GBP3: variants seen among roughly 807,000 people sequenced by gnomAD.
The protein encoded by GBP3 is guanylate binding protein 3, also known as guanylate-binding protein 3.
In GBP3, 55 loss-of-function variants were observed where a neutral mutation model predicts 62.4. The ratio of observed to expected loss-of-function variants is 0.88; its 90% CI spans 0.71 to 1.10. The LOEUF (loss-of-function observed/expected upper bound fraction) is 1.10. GBP3 is among the 50% of genes least tolerant of loss of function. The pLI is 0.00. For synonymous variants in GBP3, 208 were observed against 259.2 expected, an observed-to-expected ratio of 0.80 and a Z score of 1.90; for missense variants, 605 against 690.6, an observed-to-expected ratio of 0.88 and a Z score of 1.39.
At chr1:89,017,941 T>G (rs1490037410) in intron 2 of GBP3, among the ~76,000 whole-genome samples, 1 of 151,972 alleles carries the variant, frequency 6.6e-6, no homozygotes, top group East Asian at 1.9e-4. Flanking sequence ...GAGCCATGCA[T>G]GGTGGCAGGT....
intron 10 of GBP3, chr1:89,008,704 T>C: frequency 4.8e-6 from 3 of 629,156 alleles, no homozygotes; most frequent in Non-Finnish European, 8.0e-6. Context: ...GCCTAGCATA[T>C]GACAGCCGTA....
In GBP3 at chr1:89,007,554, C is replaced by A; in HGVS notation, c.*170G>T. 1 of 668,798 alleles carries A rather than the reference C, an allele frequency of 1.5e-6. No individual in the cohort carries two copies. The highest frequency in any genetic ancestry group is 2.5e-6 in the Non-Finnish European group (1 of 396,302). The allele number at this position is 668,798 out of a possible 1,614,324, so 41.4% of individuals were successfully genotyped here. The stretch of plus-strand genomic sequence containing the variant: ...AAATGCATCTTTGTTGCACAATTTA[C>A]AATCTTTTTAAGGAAAAAACATGAT... On this transcript the variant is annotated 3_prime_UTR_variant, in exon 11 of 11. Coordinates refer to ENST00000370481, the MANE Select transcript of GBP3 (RefSeq NM_018284.3).
intron 3 of GBP3, 123 bp downstream of exon 3, chr1:89,015,164 G>A: frequency 9.9e-7 from 1 of 1,009,286 alleles, no homozygotes. Context: ...CTTATGACAT[G>A]TACACAGAAA....
chr1:89,010,159 A>G (rs2390677), intron 8 of GBP3, among the ~76,000 whole-genome samples: 38,815 of 144,608 alleles, frequency 0.27, 5,199 homozygotes, highest in Non-Finnish European at 0.3. Context: ...GTCTTGCTCT[A>G]TTGCCAGGCT....
At chr1:89,015,161 CA>C (rs1678816607) in intron 3 of GBP3, 125 bp downstream of exon 3, 4 of 964,530 alleles carry the variant, frequency 4.1e-6, no homozygotes, top group Non-Finnish European at 6.1e-6. Context: ...GGCCTTATGA[CA>C]TGTACACAGA....
intron 6 of GBP3, among the ~76,000 whole-genome samples, chr1:89,012,327 C>T (rs1678618852): frequency 7.2e-6 from 1 of 139,036 alleles, no homozygotes; most frequent in African/African-American, 2.5e-5. Context: ...CCCCAAGCAC[C>T]ATCAGGAAAG....
rs189519830 is a variant in GBP3 at position 89,010,707 on chromosome 1, G to A, written c.1362+197C>T. 1.0e-3 allele frequency among the ~76,000 whole-genome samples: 139 copies of A among 138,986 alleles called. 35 individuals are homozygous for A. The highest frequency in any genetic ancestry group is 1.4e-3 in the Non-Finnish European group (84 of 60,226). 91.2% of individuals were successfully genotyped at this position (138,986 alleles called of 152,430 possible). On this transcript the variant is annotated intron_variant, in intron 8 of 10. Transcript: ENST00000370481. Reference sequence around the variant, plus strand: ...ATTACAGGCTTGAGCCACCGCACCCGCCGACTGCACTCTCTTTGATGAGCA... The same window carrying A: ...ATTACAGGCTTGAGCCACCGCACCCACCGACTGCACTCTCTTTGATGAGCA...
chr1:89,021,247 T>C (rs1005472083), intron 1 of GBP3, among the ~76,000 whole-genome samples: 1 of 152,152 alleles, frequency 6.6e-6, no homozygotes, highest in Non-Finnish European at 1.5e-5. Flanking sequence ...TTCACTGTAA[T>C]GAGGATCCAC....
chr1:89,016,663 C>A (rs1403258696), intron 2 of GBP3, among the ~76,000 whole-genome samples: 1 of 152,104 alleles, frequency 6.6e-6, no homozygotes, highest in Non-Finnish European at 1.5e-5. Flanking sequence ...TAGTCTTGAC[C>A]TCCCAGGCTC....
chr1:89,021,736 T>C (rs567385614), intron 1 of GBP3, among the ~76,000 whole-genome samples: 3 of 136,712 alleles, frequency 2.2e-5, no homozygotes, highest in South Asian at 2.3e-4. Context: ...GAAAGAGAAA[T>C]GGGAAGAGGA....
At chr1:89,016,360 A>G (rs571307156) in intron 2 of GBP3, among the ~76,000 whole-genome samples, 1 of 152,048 alleles carries the variant, frequency 6.6e-6, no homozygotes, top group African/African-American at 2.4e-5. Flanking sequence ...ACACACACAC[A>G]CACACAAAAT....
At chr1:89,020,295 T>C (rs1232614951) in intron 2 of GBP3, 2 of 572,904 alleles carry the variant, frequency 3.5e-6, no homozygotes, top group Admixed American at 5.7e-5. Flanking sequence ...GGAGAAAGAG[T>C]AGAACAAGGA....
intron 5 of GBP3, 188 bp from the exon 6 acceptor site, chr1:89,013,615 C>T (rs1678712546): frequency 6.5e-6 from 4 of 619,392 alleles, no homozygotes; most frequent in Non-Finnish European, 1.1e-5. Flanking sequence ...AAAAACCTCA[C>T]TTAGAAAGAC....
Position 89,011,210 on chromosome 1 carries a change from C to G in GBP3, c.1150-94G>C. 2.2e-6 allele frequency: 3 copies of G among 1,384,398 alleles called. 1 individual carries two copies. The highest frequency in any genetic ancestry group is 3.0e-6 in the Non-Finnish European group (3 of 996,018). The allele number at this position is 1,384,398 out of a possible 1,614,324, so 85.8% of individuals were successfully genotyped here. A position where few individuals can be genotyped will look rare whatever the true frequency, so the allele number is the denominator to read the frequency against. ...GGAAAGACTTCCGAAAATAAACAGTCAATGATGCCGGAGAAACTGACAGAC... is the reference window on the plus strand; with the variant it reads ...GGAAAGACTTCCGAAAATAAACAGTGAATGATGCCGGAGAAACTGACAGAC... On this transcript the variant is annotated intron_variant, in intron 7 of 10. Coordinates refer to ENST00000370481, the MANE Select transcript of GBP3 (RefSeq NM_018284.3).
intron 3 of GBP3, 74 bp downstream of exon 3, chr1:89,015,213 A>G (rs45456793): frequency 0.023 from 33,185 of 1,419,778 alleles, 482 homozygotes; most frequent in Middle Eastern, 0.065. Flanking sequence ...ACTCTTCTTT[A>G]AGAAAAAACT....
At chr1:89,016,413 G>C (rs1458710245) in intron 2 of GBP3, among the ~76,000 whole-genome samples, 1 of 151,958 alleles carries the variant, frequency 6.6e-6, no homozygotes, top group African/African-American at 2.4e-5. Flanking sequence ...CAGCTACTCG[G>C]GTGGCTGAGG....
At position 89,007,679 on chromosome 1, in the gene GBP3, G is replaced by T; in HGVS notation, c.*45C>A. On this transcript the variant is annotated 3_prime_UTR_variant, in exon 11 of 11. Transcript: ENST00000370481. The stretch of plus-strand genomic sequence containing the variant: ...GACACTTGTTCCAAATTCTAAAATT[G>T]TTTCAGTTATGCCTTGGGTTAGGAT... The T allele has an allele frequency of 6.5e-7, 1 of 1,550,040 alleles. No individual in the cohort carries two copies. The highest frequency in any genetic ancestry group is 8.7e-7 in the Non-Finnish European group (1 of 1,146,240).
chr1:89,013,208 C>T lies in GBP3; in HGVS notation c.845G>A (p.Gly282Glu), dbSNP rs1378310194. 6.2e-7 allele frequency: 1 copy of T among 1,613,954 alleles called. No homozygotes were observed. Among genetic ancestry groups the T allele is most frequent in the African/African-American group, 1.3e-5 (1 of 74,908 alleles). The stretch of plus-strand genomic sequence containing the variant: ...ACGAGGCCCATTGACCTTGATGCCT[C>T]CTGAAAGAGTTTTAGTTTTGGAATT... ...FSNSKTKTLSGGIKVNGPRLE... is the reference protein window; with the variant it reads ...FSNSKTKTLSEGIKVNGPRLE... Residue 282 changes from glycine to glutamate, a missense_variant, in exon 6 of 11, where the codon GGA becomes GAA. By Grantham distance (98) the Gly-to-Glu change is moderately conservative. Around this residue, in one of 3 missense-constraint regions of GBP3, gnomAD observed 137 missense variants for 224.7 expected, o/e 0.61. Transcript: ENST00000370481.
chr1:89,021,821 G>A (rs1223229614), intron 1 of GBP3, among the ~76,000 whole-genome samples: 19 of 148,418 alleles, frequency 1.3e-4, no homozygotes, highest in Admixed American at 5.3e-4. Context: ...GAGAGAGAGA[G>A]AGAGAGAGAG....
Sources: allele counts gnomAD v4.1 joint callset (sites outside exome capture counted in the v4.1 genomes callset), GRCh38; gene constraint gnomAD v4.1.1; regional missense constraint gnomAD v4.1.1; transcripts MANE v1.5; gene names NCBI Gene and HGNC (gene_info 2026-07-23, HGNC 2026-07-21).